LMNTD1: variants seen among roughly 807,000 people sequenced by gnomAD.
LMNTD1 encodes lamin tail domain-containing protein 1.
LMNTD1 carries 35 observed loss-of-function variants against 50.9 expected under a neutral mutation model. That is an observed-to-expected ratio of 0.69 (90% CI 0.53 to 0.91). The LOEUF is 0.91. LMNTD1 is among the 40% of genes least tolerant of loss of function. LMNTD1 has a pLI of 0.00. For synonymous variants in LMNTD1, 153 were observed against 161.9 expected, an observed-to-expected ratio of 0.94 and a Z score of 0.42; for missense variants, 470 against 475.5, an observed-to-expected ratio of 0.99 and a Z score of 0.11.
At chr12:25,501,511 A>C (rs16928967) in intron 9 of LMNTD1, among the ~76,000 whole-genome samples, 3,337 of 152,242 alleles carry the variant, frequency 0.022, 124 homozygotes, top group African/African-American at 0.076. Context: ...GACAATCTTA[A>C]AGGTTAATTA....
At chr12:25,640,303 A>G (rs1463879067) in intron 1 of LMNTD1, among the ~76,000 whole-genome samples, 1 of 152,124 alleles carries the variant, frequency 6.6e-6, no homozygotes, top group African/African-American at 2.4e-5. Context: ...TGAGTCCAGG[A>G]GTTCGAGACC....
chr12:25,639,763 T>C (rs976716967), intron 1 of LMNTD1, among the ~76,000 whole-genome samples: 1 of 152,214 alleles, frequency 6.6e-6, no homozygotes, highest in East Asian at 1.9e-4. Flanking sequence ...GTGTTAAACA[T>C]ATAGTTACCT....
chr12:25,531,772 T>C (rs975954124), intron 4 of LMNTD1, among the ~76,000 whole-genome samples: 2 of 152,290 alleles, frequency 1.3e-5, no homozygotes, highest in South Asian at 4.1e-4. Flanking sequence ...TAATTAGAAG[T>C]AGATTAAAAC....
At chr12:25,640,503 C>CA (rs199647514) in intron 1 of LMNTD1, among the ~76,000 whole-genome samples, 19,717 of 113,238 alleles carry the variant, frequency 0.17, 2,145 homozygotes, top group African/African-American at 0.34. Context: ...GAGACTGTCT[C>CA]AAAAAAAAAA....
At chr12:25,521,554 A>T (rs961577119) in intron 6 of LMNTD1, among the ~76,000 whole-genome samples, 9 of 152,228 alleles carry the variant, frequency 5.9e-5, no homozygotes, top group African/African-American at 2.2e-4. Context: ...AATCTCAGGT[A>T]GGTAAGTTAC....
chr12:25,618,553 G>T (rs773501182), intron 1 of LMNTD1, among the ~76,000 whole-genome samples: 23 of 152,130 alleles, frequency 1.5e-4, no homozygotes, highest in Non-Finnish European at 3.1e-4. Context: ...CTTAGTGGGA[G>T]TGATTTTATA....
intron 1 of LMNTD1, among the ~76,000 whole-genome samples, chr12:25,633,435 A>C (rs904228659): frequency 6.6e-6 from 1 of 152,174 alleles, no homozygotes; most frequent in Non-Finnish European, 1.5e-5. Context: ...CCATAAAAGG[A>C]GCCTCAATAC....
intron 6 of LMNTD1, among the ~76,000 whole-genome samples, chr12:25,521,362 T>C (rs1306484141): frequency 6.6e-6 from 1 of 152,210 alleles, no homozygotes; most frequent in East Asian, 1.9e-4. Context: ...GTCTTACGTT[T>C]AGGTCTTTTA....
intron 1 of LMNTD1, among the ~76,000 whole-genome samples, chr12:25,580,850 G>T (rs776074688): frequency 2.0e-4 from 31 of 152,122 alleles, no homozygotes; most frequent in Admixed American, 1.2e-3. Flanking sequence ...AAACCTATGA[G>T]ACTTTGGTAA....
intron 1 of LMNTD1, among the ~76,000 whole-genome samples, chr12:25,570,465 A>G (rs535370925): frequency 1.0e-3 from 154 of 152,320 alleles, no homozygotes; most frequent in African/African-American, 3.4e-3. Context: ...CATTCAATCA[A>G]TCAACAAATA....
At chr12:25,571,853 T>C (rs574780426) in intron 1 of LMNTD1, among the ~76,000 whole-genome samples, 1 of 152,180 alleles carries the variant, frequency 6.6e-6, no homozygotes, top group Non-Finnish European at 1.5e-5. Flanking sequence ...GTATTTTTAG[T>C]AGAGAAGGGG....
intron 1 of LMNTD1, chr12:25,648,488 A>T: frequency 6.4e-7 from 1 of 1,550,822 alleles, no homozygotes; most frequent in Non-Finnish European, 8.7e-7. Context: ...TTCATTTCTC[A>T]CTTACTGTGG....
chr12:25,635,830 C>T (rs114542767), intron 1 of LMNTD1, among the ~76,000 whole-genome samples: 2,186 of 151,606 alleles, frequency 0.014, 51 homozygotes, highest in African/African-American at 0.051. Context: ...AATAAACCCA[C>T]ATACTTACAG....
rs1485428935 is a variant in LMNTD1, at chr12:25,564,134, T to C, written c.59-17580A>G. On this transcript the variant is annotated intron_variant, in intron 1 of 7. Transcript: ENST00000445693. ...CAATGCCCCGCCCTGCTCCATGGGC[T>C]GCACCCACTGTCTGACAAGCCCCAG... is the stretch of plus-strand genomic sequence containing the variant. Among the ~76,000 whole-genome samples, 3 of 152,084 alleles carry C rather than the reference T, an allele frequency of 2.0e-5. 1 individual carries two copies. The highest frequency in any genetic ancestry group is 4.4e-5 in the Non-Finnish European group (3 of 68,022).
chr12:25,618,299 C>T (rs1592109568), intron 1 of LMNTD1, among the ~76,000 whole-genome samples: 1 of 152,240 alleles, frequency 6.6e-6, no homozygotes, highest in African/African-American at 2.4e-5. Context: ...GATTTAATTG[C>T]TCTTGATTGG....
At chr12:25,493,029 A>T (rs1203627443) in intron 9 of LMNTD1, among the ~76,000 whole-genome samples, 1 of 152,178 alleles carries the variant, frequency 6.6e-6, no homozygotes, top group Non-Finnish European at 1.5e-5. Flanking sequence ...AGCCTGAAAC[A>T]TCTAGCCTGT....
intron 1 of LMNTD1, among the ~76,000 whole-genome samples, chr12:25,630,953 C>T (rs537206364): frequency 1.3e-5 from 2 of 152,308 alleles, no homozygotes; most frequent in African/African-American, 4.8e-5. Flanking sequence ...AGACTCAGGG[C>T]TCTTAGTCGG....
intron 1 of LMNTD1, among the ~76,000 whole-genome samples, chr12:25,626,402 AAAGTT>A (rs1417934245): frequency 2.6e-5 from 4 of 152,168 alleles, no homozygotes; most frequent in Admixed American, 2.0e-4. Context: ...GACATCCTTA[AAAGTT>A]AAGTGAACAG....
chr12:25,528,619 G>A (rs1941983480), intron 4 of LMNTD1, among the ~76,000 whole-genome samples: 1 of 152,084 alleles, frequency 6.6e-6, no homozygotes, highest in African/African-American at 2.4e-5. Context: ...AAGAAAACAT[G>A]GCCATCAGAG....
Sources: allele counts gnomAD v4.1 joint callset (sites outside exome capture counted in the v4.1 genomes callset), GRCh38; gene constraint gnomAD v4.1.1; transcripts MANE v1.5; gene names NCBI Gene and HGNC (gene_info 2026-07-23, HGNC 2026-07-21).